Variants in PRR5L observed in about 807,000 individuals in gnomAD.
PRR5L encodes the protein proline rich 5 like.
A neutral mutation model predicts 36.4 loss-of-function variants in PRR5L; 21 were observed. The observed-to-expected ratio is 0.58, with a 90% confidence interval of 0.41 to 0.83. PRR5L has a LOEUF of 0.83. PRR5L is among the 40% of genes least tolerant of loss of function. The pLI, the probability that PRR5L is intolerant of heterozygous loss-of-function variation, is 0.00. For missense variants in PRR5L, 381 were observed against 473.3 expected (o/e 0.80, Z 1.81); for synonymous variants, 188 against 197.0 (o/e 0.95, Z 0.38).
chr11:36,350,133 A>C (rs1218234612), intron 1 of PRR5L: 1 of 130,668 alleles, frequency 7.7e-6, no homozygotes, highest in Non-Finnish European at 1.6e-5. Context: ...GAAGAGAGTG[A>C]GTGTGTGTGT....
At chr11:36,400,532 G>C (rs1857768856) in intron 1 of PRR5L, among the ~76,000 whole-genome samples, 1 of 152,194 alleles carries the variant, frequency 6.6e-6, no homozygotes, top group Non-Finnish European at 1.5e-5. Context: ...AAGAGTCACT[G>C]ATACTTTGAG....
chr11:36,313,278 T>G (rs1856522476), intron 1 of PRR5L, among the ~76,000 whole-genome samples: 1 of 152,212 alleles, frequency 6.6e-6, no homozygotes, highest in Non-Finnish European at 1.5e-5. Flanking sequence ...CTTGATGATT[T>G]AATCTTGGTT....
chr11:36,412,180 C>T (rs1480503585), intron 3 of PRR5L, among the ~76,000 whole-genome samples: 1 of 152,118 alleles, frequency 6.6e-6, no homozygotes, highest in Non-Finnish European at 1.5e-5. Context: ...TCTGGGCTCC[C>T]TGATCTCAAC....
intron 1 of PRR5L, among the ~76,000 whole-genome samples, chr11:36,363,941 C>G (rs933796384): frequency 2.6e-5 from 4 of 152,192 alleles, no homozygotes; most frequent in African/African-American, 9.6e-5. Flanking sequence ...CTCTGCCTTC[C>G]TCTTAGAGAC....
At chr11:36,367,088 G>A (rs907789088) in intron 1 of PRR5L, among the ~76,000 whole-genome samples, 1 of 151,980 alleles carries the variant, frequency 6.6e-6, no homozygotes, top group Non-Finnish European at 1.5e-5. Flanking sequence ...AAGTGGGAAG[G>A]GTGTAAATGT....
chr11:36,351,658 A>AT (rs1565409248), intron 1 of PRR5L, among the ~76,000 whole-genome samples: 1 of 1,018 alleles, frequency 9.8e-4, no homozygotes, highest in African/African-American at 4.2e-3. Context: ...TATTTATATA[A>AT]ATATATATTT....
rs1859217858 is a variant in PRR5L, at chr11:36,462,718, C to T, written c.1089C>T (p.Asn363=). 1 of 1,563,284 alleles carries T rather than the reference C, an allele frequency of 6.4e-7. No individual in the cohort carries two copies. The highest frequency in any genetic ancestry group is 8.7e-7 in the Non-Finnish European group (1 of 1,154,418). ...ARGSQEGSEL[N]CASLS ...GCAGCCAGGAGGGCTCGGAGCTGAACTGTGCTTCCCTCAGCTGAGTCGCCA... is the reference window on the plus strand; with the variant it reads ...GCAGCCAGGAGGGCTCGGAGCTGAATTGTGCTTCCCTCAGCTGAGTCGCCA... Residue 363 remains asparagine (N), a synonymous_variant, in exon 9 of 9, where the codon AAC becomes AAT. Coordinates refer to ENST00000530639, the MANE Select transcript of PRR5L (RefSeq NM_001160167.2).
chr11:36,359,421 T>C (rs1857061864), intron 1 of PRR5L, among the ~76,000 whole-genome samples: 1 of 152,202 alleles, frequency 6.6e-6, no homozygotes, highest in African/African-American at 2.4e-5. Flanking sequence ...TTGAAATGGA[T>C]TAATTTGTTA....
intron 6 of PRR5L, among the ~76,000 whole-genome samples, chr11:36,437,973 A>T (rs568307883): frequency 3.3e-5 from 5 of 152,310 alleles, no homozygotes; most frequent in African/African-American, 1.2e-4. Flanking sequence ...CTCGACTAGG[A>T]ATCTGTAGAC....
At chr11:36,363,578 A>G (rs1300352964) in intron 1 of PRR5L, among the ~76,000 whole-genome samples, 1 of 152,154 alleles carries the variant, frequency 6.6e-6, no homozygotes, top group Non-Finnish European at 1.5e-5. Context: ...TGAGAGATGA[A>G]TCAACCCCCG....
intron 4 of PRR5L, 62 bp from the exon 5 acceptor site, chr11:36,431,791 G>T: frequency 1.0e-5 from 15 of 1,480,492 alleles, no homozygotes; most frequent in Non-Finnish European, 1.4e-5. Flanking sequence ...AAGTGGAAGA[G>T]GGTTCATCAC....
intron 3 of PRR5L, among the ~76,000 whole-genome samples, chr11:36,414,972 C>G (rs1289066544): frequency 7.0e-6 from 1 of 142,998 alleles, no homozygotes; most frequent in Admixed American, 6.9e-5. Context: ...ATAGGGAATC[C>G]TTTCCCCATT....
chr11:36,441,020 C>G (rs1354947857), intron 6 of PRR5L, among the ~76,000 whole-genome samples: 1 of 152,236 alleles, frequency 6.6e-6, no homozygotes, highest in Non-Finnish European at 1.5e-5. Flanking sequence ...CTACCTTCTA[C>G]TAGGCCCCAC....
intron 1 of PRR5L, among the ~76,000 whole-genome samples, chr11:36,328,086 A>G (rs1856683063): frequency 6.6e-6 from 1 of 152,252 alleles, no homozygotes; most frequent in Admixed American, 6.5e-5. Flanking sequence ...GACAAAAGAC[A>G]GATTAGCAAT....
At chr11:36,367,121 G>A (rs1857152328) in intron 1 of PRR5L, among the ~76,000 whole-genome samples, 1 of 151,906 alleles carries the variant, frequency 6.6e-6, no homozygotes, top group Admixed American at 6.6e-5. Flanking sequence ...TTAAGATTAC[G>A]ACTGTATTTC....
rs768861738 is a variant in PRR5L at position 36,401,130 on chromosome 11, C to T, written c.9C>T (p.Arg3=). 113 of 1,614,038 alleles carry T rather than the reference C, an allele frequency of 7.0e-5. No individual in the cohort carries two copies. Among genetic ancestry groups the T allele is most frequent in the Middle Eastern group, 6.6e-4 (4 of 6,084 alleles). ...AACTGTCACCAGGACTTATGACCCG[C>T]GGCTTCGCTCCCATTCTGCCCGTCG... MT[R]GFAPILPVEF... is the part of the protein sequence containing the mutation. Residue 3 remains arginine, a synonymous_variant, in exon 2 of 9, where the codon CGC becomes CGT. Transcript: ENST00000530639.
chr11:36,347,774 A>G (rs1261046060), intron 1 of PRR5L, among the ~76,000 whole-genome samples: 1 of 151,898 alleles, frequency 6.6e-6, no homozygotes, highest in African/African-American at 2.4e-5. Context: ...AGATCCTTAC[A>G]TAGCCTCCTT....
intron 1 of PRR5L, among the ~76,000 whole-genome samples, chr11:36,315,029 G>C (rs1166825690): frequency 1.3e-5 from 2 of 152,146 alleles, no homozygotes; most frequent in Non-Finnish European, 2.9e-5. Context: ...CTTCATCTAA[G>C]TTGGATTTCT....
At chr11:36,325,690 C>T (rs111339015) in intron 1 of PRR5L, among the ~76,000 whole-genome samples, 1 of 152,126 alleles carries the variant, frequency 6.6e-6, no homozygotes, top group African/African-American at 2.4e-5. Context: ...AGGTGGATGC[C>T]CTCACCTTCC....
Sources: gnomAD v4.1 joint callset for allele counts (sites outside exome capture counted in the v4.1 genomes callset) on GRCh38, gnomAD v4.1.1 for gene constraint, MANE v1.5 for transcripts, NCBI Gene and HGNC (gene_info 2026-07-23, HGNC 2026-07-21) for gene names.